The following PRR5L variants were observed in gnomAD, a reference collection of about 807,000 sequenced individuals.
PRR5L encodes the protein proline rich 5 like.
A neutral mutation model predicts 36.4 loss-of-function variants in PRR5L; 21 were observed. That is an observed-to-expected ratio of 0.58 (90% CI 0.41 to 0.83). The LOEUF (loss-of-function observed/expected upper bound fraction) is 0.83, where lower values mean the gene tolerates loss of function less well. Ranked by LOEUF, PRR5L falls within the 40% of genes least tolerant of loss-of-function variation. The pLI is 0.00. For missense variants in PRR5L, 381 were observed against 473.3 expected (o/e 0.80, Z 1.81); for synonymous variants, 188 against 197.0 (o/e 0.95, Z 0.38).
intron 1 of PRR5L, among the ~76,000 whole-genome samples, chr11:36,359,381 C>T (rs1282447356): frequency 1.3e-5 from 2 of 152,160 alleles, no homozygotes; most frequent in Non-Finnish European, 2.9e-5. Flanking sequence ...ATAGAGTCCA[C>T]ATTATATTTA....
At chr11:36,400,147 G>T (rs1857760315) in intron 1 of PRR5L, among the ~76,000 whole-genome samples, 1 of 152,216 alleles carries the variant, frequency 6.6e-6, no homozygotes, top group African/African-American at 2.4e-5. Context: ...AAAAGGAAGA[G>T]AATTCTGGGC....
At chr11:36,318,122 A>G (rs1856576231) in intron 1 of PRR5L, among the ~76,000 whole-genome samples, 2 of 152,200 alleles carry the variant, frequency 1.3e-5, no homozygotes, top group African/African-American at 4.8e-5. Context: ...GTAGAGTAAT[A>G]CGCTGTACAC....
At chr11:36,398,025 C>T (rs1857705732) in intron 1 of PRR5L, among the ~76,000 whole-genome samples, 1 of 152,092 alleles carries the variant, frequency 6.6e-6, no homozygotes, top group South Asian at 2.1e-4. Flanking sequence ...GAACTCCTGA[C>T]CTCAGGTGAT....
chr11:36,458,321 A>G (rs918858331), intron 8 of PRR5L, among the ~76,000 whole-genome samples: 1 of 152,214 alleles, frequency 6.6e-6, no homozygotes, highest in African/African-American at 2.4e-5. Flanking sequence ...AGAACCCAAG[A>G]GAAACGGGGC....
chr11:36,426,711 A>G (rs1013714947), intron 4 of PRR5L, among the ~76,000 whole-genome samples: 5 of 152,226 alleles, frequency 3.3e-5, no homozygotes, highest in Admixed American at 2.6e-4. Context: ...GAAGGCAGGA[A>G]AAGACTGTAA....
At chr11:36,450,409 G>A (rs1240459993) in intron 7 of PRR5L, among the ~76,000 whole-genome samples, 1 of 152,210 alleles carries the variant, frequency 6.6e-6, no homozygotes, top group South Asian at 2.1e-4. Context: ...ATGACAGCAT[G>A]TTTGAGTCCT....
Position 36,464,112 on chromosome 11 carries a change from C to T in PRR5L, c.*1376C>T, listed in dbSNP as rs1859247058. ...CGGTGCTGCATCCTTCTACTGCTCC[C>T]TCCAGGTCTGGGGGCTTTTATCCAC... is the stretch of plus-strand genomic sequence containing the variant. On this transcript the variant is annotated 3_prime_UTR_variant, in exon 9 of 9. Transcript: ENST00000530639. 1 of 152,202 alleles carries T rather than the reference C, an allele frequency of 6.6e-6. No individual in the cohort carries two copies. The highest frequency in any genetic ancestry group is 1.5e-5 in the Non-Finnish European group (1 of 68,046). 9.4% of individuals were successfully genotyped at this position (152,202 alleles called of 1,614,324 possible).
At chr11:36,405,772 G>T (rs576789946) in intron 3 of PRR5L, among the ~76,000 whole-genome samples, 1 of 152,298 alleles carries the variant, frequency 6.6e-6, no homozygotes, top group South Asian at 2.1e-4. Context: ...AGATCAAGGT[G>T]CCGGTCATTT....
chr11:36,462,236 C>T, intron 8 of PRR5L, 106 bp from the exon 9 acceptor site: 1 of 1,121,946 alleles, frequency 8.9e-7, no homozygotes, highest in Non-Finnish European at 1.2e-6. Flanking sequence ...CTAAGAGCTG[C>T]TCCTAAAGGT....
intron 1 of PRR5L, among the ~76,000 whole-genome samples, chr11:36,342,835 GT>G (rs141725960): frequency 0.013 from 2,000 of 152,232 alleles, 15 homozygotes; most frequent in Admixed American, 0.022. Flanking sequence ...TAATTCATGT[GT>G]CACTTTGGCA....
chr11:36,329,348 A>C (rs1182027527), intron 1 of PRR5L: 1 of 152,200 alleles, frequency 6.6e-6, no homozygotes, highest in Non-Finnish European at 1.5e-5. Context: ...GGAAAAGGGC[A>C]GTTTTAGCTC....
Position 36,434,268 on chromosome 11 carries a change from A to G in PRR5L, c.352+2358A>G, listed in dbSNP as rs549621179. Among the ~76,000 whole-genome samples the G allele has an allele frequency of 3.9e-5, 6 of 152,264 alleles. No individual in the cohort carries two copies. In the East Asian group the frequency reaches 1.2e-3, roughly 29 times the overall value. On this transcript the variant is annotated intron_variant, in intron 5 of 8. Coordinates refer to ENST00000530639, the MANE Select transcript of PRR5L (RefSeq NM_001160167.2). ...CTGTACAGTGAATAGGCATGTGGGG[A>G]ACCTTTAAGGGACTCTGCCATCTTC... is the stretch of plus-strand genomic sequence containing the variant.
rs1565408410 is a variant in PRR5L at position 36,351,529 on chromosome 11, T to TTATATAAATATATATTTATATATA, written c.-125-49466_-125-49443dup. On this transcript the variant is annotated intron_variant, in intron 1 of 8. Transcript: ENST00000530639. ...TATATATTTATATATATTTATATAT[T>TTATATAAATATATATTTATATATA]TATATAAATATATATTTATATATAT... 2.6e-4 allele frequency among the ~76,000 whole-genome samples: 8 copies of TTATATAAATATATATTTATATATA among 30,530 alleles called. 2 individuals are homozygous for TTATATAAATATATATTTATATATA. Among genetic ancestry groups the TTATATAAATATATATTTATATATA allele is most frequent in the African/African-American group, 4.0e-4 (2 of 5,012 alleles). 20.0% of individuals were successfully genotyped at this position (30,530 alleles called of 152,430 possible). A position where few individuals can be genotyped will look rare whatever the true frequency, so the allele number is the denominator to read the frequency against.
intron 1 of PRR5L, chr11:36,329,306 C>G (rs1401885185): frequency 6.6e-6 from 1 of 152,146 alleles, no homozygotes; most frequent in Non-Finnish European, 1.5e-5. Flanking sequence ...GAAGTTATAT[C>G]AATCCATCCA....
At chr11:36,310,337 T>C (rs1170896318) in intron 1 of PRR5L, among the ~76,000 whole-genome samples, 1 of 152,210 alleles carries the variant, frequency 6.6e-6, no homozygotes, top group Non-Finnish European at 1.5e-5. Context: ...CTCACTCCCC[T>C]GATCCTTAGG....
intron 2 of PRR5L, among the ~76,000 whole-genome samples, chr11:36,403,053 C>T (rs1857831436): frequency 6.6e-6 from 1 of 152,164 alleles, no homozygotes; most frequent in East Asian, 1.9e-4. Context: ...CCAGCAGGGC[C>T]GCCAGCGAGG....
intron 8 of PRR5L, among the ~76,000 whole-genome samples, chr11:36,459,265 C>A (rs1859128881): frequency 6.6e-6 from 1 of 152,182 alleles, no homozygotes; most frequent in African/African-American, 2.4e-5. Context: ...TGGGGGACTT[C>A]TCTGGGACCA....
At chr11:36,307,221 A>C (rs577896678) in intron 1 of PRR5L, among the ~76,000 whole-genome samples, 2 of 152,276 alleles carry the variant, frequency 1.3e-5, no homozygotes, top group South Asian at 4.1e-4. Context: ...AGACACAACA[A>C]GTTTGCAAAT....
chr11:36,401,312 G>T, intron 2 of PRR5L, 27 bp downstream of exon 2: 1 of 1,603,868 alleles, frequency 6.2e-7, no homozygotes, highest in Non-Finnish European at 8.5e-7. Context: ...GATGTGGGGT[G>T]GAGGGCTGCC....
Sources: allele counts gnomAD v4.1 joint callset (sites outside exome capture counted in the v4.1 genomes callset), GRCh38; gene constraint gnomAD v4.1.1; transcripts MANE v1.5; gene names NCBI Gene and HGNC (gene_info 2026-07-23, HGNC 2026-07-21).